The following XIRP2 variants were observed in gnomAD, a reference collection of about 807,000 sequenced individuals.
XIRP2 encodes xin actin binding repeat containing 2.
A neutral mutation model predicts 277.0 loss-of-function variants in XIRP2; 236 were observed. The observed-to-expected ratio is 0.85, with a 90% confidence interval of 0.77 to 0.95. The LOEUF (loss-of-function observed/expected upper bound fraction) is 0.95. Ranked by LOEUF, XIRP2 falls within the 40% of genes least tolerant of loss-of-function variation. The pLI, the probability that XIRP2 is intolerant of heterozygous loss-of-function variation, is 0.00. For synonymous variants in XIRP2, 1,490 were observed against 1,416.5 expected, an observed-to-expected ratio of 1.05 and a Z score of -1.17; for missense variants, 4,640 against 4,157.5, an observed-to-expected ratio of 1.12 and a Z score of -3.19.
chr2:167,226,618 T>C (rs949698828), intron 5 of XIRP2, among the ~76,000 whole-genome samples: 1 of 152,138 alleles, frequency 6.6e-6, no homozygotes, highest in Non-Finnish European at 1.5e-5. Flanking sequence ...CCATTCATTT[T>C]TCCCTTGCCC....
chr2:166,908,493 T>C (rs1461455140), intron 2 of XIRP2, among the ~76,000 whole-genome samples: 2 of 152,202 alleles, frequency 1.3e-5, no homozygotes, highest in African/African-American at 4.8e-5. Flanking sequence ...TTGTTTGAGT[T>C]CTTTGTAGAT....
intron 1 of XIRP2, among the ~76,000 whole-genome samples, chr2:166,894,425 C>T (rs1340121972): frequency 6.6e-6 from 1 of 152,038 alleles, no homozygotes; most frequent in African/African-American, 2.4e-5. Flanking sequence ...TTTCTTGAGT[C>T]CATGTAAGCT....
At position 167,243,699 on chromosome 2, in the gene XIRP2, A is replaced by G. The variant is rs769525613; in HGVS notation, c.2307A>G (p.Thr769=). The G allele has an allele frequency of 1.1e-5, 17 of 1,613,990 alleles. No homozygotes were observed. The highest frequency in any genetic ancestry group is 2.5e-6 in the Non-Finnish European group (3 of 1,179,980). ...REDVEKGDVR[T]ARWMFETQPL... ...ACGTTGAAAAGGGAGATGTAAGAAC[A>G]GCACGGTGGATGTTTGAAACACAGC... is the stretch of plus-strand genomic sequence containing the variant. Residue 769 remains threonine, a synonymous_variant, in exon 9 of 11, where the codon ACA becomes ACG. Transcript: ENST00000409195.
intron 2 of XIRP2, among the ~76,000 whole-genome samples, chr2:166,979,655 T>G (rs1397267996): frequency 2.6e-5 from 4 of 152,150 alleles, no homozygotes; most frequent in Non-Finnish European, 4.4e-5. Flanking sequence ...GTAATTTATC[T>G]TCTATATGTT....
At chr2:167,227,830 A>G (rs921288055) in intron 5 of XIRP2, among the ~76,000 whole-genome samples, 14 of 152,202 alleles carry the variant, frequency 9.2e-5, no homozygotes, top group African/African-American at 3.4e-4. Flanking sequence ...TTAATTTATT[A>G]GATTGATACA....
At chr2:167,113,397 A>T (rs11903616) in intron 2 of XIRP2, among the ~76,000 whole-genome samples, 1 of 152,140 alleles carries the variant, frequency 6.6e-6, no homozygotes, top group South Asian at 2.1e-4. Context: ...CTACCATTAT[A>T]TAATGCCCTA....
chr2:167,171,840 TCTA>T (rs1692701338), intron 3 of XIRP2, among the ~76,000 whole-genome samples: 1 of 152,226 alleles, frequency 6.6e-6, no homozygotes, highest in Non-Finnish European at 1.5e-5. Flanking sequence ...AACCTCAAAG[TCTA>T]CTTTTTCTGA....
At chr2:167,017,039 C>G (rs1687845875) in intron 2 of XIRP2, among the ~76,000 whole-genome samples, 1 of 151,900 alleles carries the variant, frequency 6.6e-6, no homozygotes, top group Non-Finnish European at 1.5e-5. Context: ...AGTGGGAGAT[C>G]TGAGCATGCA....
chr2:167,168,643 C>T (rs375035848), intron 3 of XIRP2, among the ~76,000 whole-genome samples: 1 of 152,152 alleles, frequency 6.6e-6, no homozygotes, highest in African/African-American at 2.4e-5. Flanking sequence ...GAGACGGAGT[C>T]TCGCTCTGTC....
intron 2 of XIRP2, among the ~76,000 whole-genome samples, chr2:167,091,655 T>C (rs929026246): frequency 2.0e-4 from 30 of 152,104 alleles, no homozygotes; most frequent in Non-Finnish European, 3.8e-4. Flanking sequence ...GCTTCTATGG[T>C]CTGTTACTTT....
chr2:167,210,748 T>C lies in XIRP2; in HGVS notation c.576T>C (p.Pro192=). 1 of 1,614,198 alleles carries C rather than the reference T, an allele frequency of 6.2e-7. No homozygotes were observed. The highest frequency in any genetic ancestry group is 8.5e-7 in the Non-Finnish European group (1 of 1,180,026). The change falls in exon 4 of 11, where the codon CCT becomes CCC. Residue 192 remains proline, a synonymous_variant. Coordinates refer to ENST00000409195, the MANE Select transcript of XIRP2 (RefSeq NM_152381.6). ...GTTTGCTTTCAGCGACTGCTGGCCC[T>C]AATAAGCCTGAGAGTGGATTTGCAG... is the stretch of plus-strand genomic sequence containing the variant. ...HSRIFEATAG[P]NKPESGFAED...
At chr2:167,009,210 C>A (rs1419573103) in intron 2 of XIRP2, among the ~76,000 whole-genome samples, 1 of 104,238 alleles carries the variant, frequency 9.6e-6, no homozygotes, top group Non-Finnish European at 1.8e-5. Flanking sequence ...TTATCCCTCC[C>A]CCCTCCCCCC....
intron 1 of XIRP2, among the ~76,000 whole-genome samples, chr2:166,896,735 G>A (rs535763519): frequency 4.9e-4 from 75 of 152,190 alleles, no homozygotes; most frequent in South Asian, 1.9e-3. Context: ...AAAGTCTACA[G>A]CAGGAGTGTA....
intron 2 of XIRP2, among the ~76,000 whole-genome samples, chr2:166,954,560 A>G (rs1371246935): frequency 2.0e-5 from 3 of 151,920 alleles, no homozygotes; most frequent in African/African-American, 4.8e-5. Context: ...CAGCAATCCC[A>G]CTACTGGGTA....
intron 7 of XIRP2, 71 bp downstream of exon 7, chr2:167,240,807 T>C (rs1695044361): frequency 1.5e-6 from 2 of 1,369,194 alleles, no homozygotes; most frequent in African/African-American, 2.9e-5. Context: ...AATGGATGAC[T>C]TCCAAAGCAC....
rs1695214321 is a variant in XIRP2, at chr2:167,245,291, T to A, written c.3899T>A (p.Ile1300Asn). Residue 1300 changes from isoleucine (I) to asparagine (N), a missense_variant, in exon 9 of 11, where the codon ATT becomes AAT. Coordinates refer to ENST00000409195, the MANE Select transcript of XIRP2 (RefSeq NM_152381.6). ...ESDYISTKKT[I>N]TEEVIQGDVK... is the part of the protein sequence containing the mutation. ...GACTATATCAGCACCAAGAAAACAA[T>A]TACTGAAGAAGTAATACAGGGTGAT... The A allele has an allele frequency of 6.2e-7, 1 of 1,613,370 alleles. No homozygotes were observed. Among genetic ancestry groups the A allele is most frequent in the African/African-American group, 1.3e-5 (1 of 74,840 alleles).
At position 166,913,722 on chromosome 2, in the gene XIRP2, A is replaced by C. The variant is rs533269312; in HGVS notation, c.408+9832A>C. On this transcript the variant is annotated intron_variant, in intron 2 of 10. Coordinates refer to ENST00000409195, the MANE Select transcript of XIRP2 (RefSeq NM_152381.6). ...AGGAAATGCAAATTTGCATTTGCAA[A>C]GGGAAATAGATACTAGGAGAAGAAT... Among the ~76,000 whole-genome samples the C allele has an allele frequency of 9.2e-5, 14 of 152,348 alleles. No homozygotes were observed. The East Asian group carries it at 2.1e-3, about 23-fold the overall frequency.
chr2:166,965,896 A>AT lies in XIRP2; in HGVS notation c.408+62009dup, dbSNP rs564484254. 3.4e-3 allele frequency among the ~76,000 whole-genome samples: 521 copies of AT among 151,600 alleles called. 4 individuals carry two copies. The highest frequency in any genetic ancestry group is 0.012 in the African/African-American group (491 of 41,432). Reference sequence around the variant, plus strand: ...ACACCATGCCTGGCCTCTAAGTTTGATTTCTTTTTTTTTTACTCAGAAGTC... The same window carrying AT: ...ACACCATGCCTGGCCTCTAAGTTTGATTTTCTTTTTTTTTTACTCAGAAGTC... On this transcript the variant is annotated intron_variant, in intron 2 of 10. Transcript: ENST00000409195.
At chr2:166,939,873 C>T (rs1310848390) in intron 2 of XIRP2, among the ~76,000 whole-genome samples, 1 of 152,072 alleles carries the variant, frequency 6.6e-6, no homozygotes, top group Admixed American at 6.5e-5. Flanking sequence ...TCTGCCTGCC[C>T]TTCACATTTT....
Sources: allele counts gnomAD v4.1 joint callset (sites outside exome capture counted in the v4.1 genomes callset), GRCh38; gene constraint gnomAD v4.1.1; transcripts MANE v1.5; gene names NCBI Gene and HGNC (gene_info 2026-07-23, HGNC 2026-07-21).